AFG2A: variants seen among roughly 807,000 people sequenced by gnomAD.
AFG2A encodes the protein AAA ATPase AFG2A, also known as ATPase family gene 2 protein homolog A.
At chr4:123,189,183 G>T in the AFG2A span, among the ~76,000 whole-genome samples, 8,196 of 152,242 alleles carry the variant, frequency 0.054, 361 homozygotes, top group African/African-American at 0.12. Context: ...GGCCCAAAAT[G>T]TTAGTGTTGC....
chr4:123,185,053 T>C, the AFG2A span, among the ~76,000 whole-genome samples: 6 of 152,176 alleles, frequency 3.9e-5, no homozygotes, highest in Non-Finnish European at 8.8e-5. Context: ...GCCAAGACTA[T>C]CCCTTTATTT....
At chr4:123,207,115 G>T in the AFG2A span, among the ~76,000 whole-genome samples, 6 of 152,224 alleles carry the variant, frequency 3.9e-5, no homozygotes, top group South Asian at 2.1e-4. Context: ...AAAATCATAA[G>T]TAGATGGTTA....
chr4:123,298,494 C>T, the AFG2A span, among the ~76,000 whole-genome samples: 1 of 152,198 alleles, frequency 6.6e-6, no homozygotes, highest in Admixed American at 6.5e-5. Context: ...GGCTTTCCAT[C>T]CCTAGCAGTT....
At chr4:123,011,043 GTCC>G in the AFG2A span, among the ~76,000 whole-genome samples, 3 of 152,058 alleles carry the variant, frequency 2.0e-5, no homozygotes, top group Non-Finnish European at 2.9e-5. Flanking sequence ...TCAGAGGTTT[GTCC>G]TCCTACCTTT....
the AFG2A span, among the ~76,000 whole-genome samples, chr4:123,053,920 C>T: frequency 0.014 from 2,151 of 152,202 alleles, 55 homozygotes; most frequent in African/African-American, 0.05. Flanking sequence ...GGATCAGAGT[C>T]CCAGGCCATG....
At chr4:122,937,964 C>A in the AFG2A span, among the ~76,000 whole-genome samples, 2 of 152,032 alleles carry the variant, frequency 1.3e-5, no homozygotes, top group Non-Finnish European at 2.9e-5. Context: ...GTATTTTGGG[C>A]TAGAATGAAT....
the AFG2A span, among the ~76,000 whole-genome samples, chr4:123,024,051 A>G: frequency 6.6e-6 from 1 of 152,066 alleles, no homozygotes; most frequent in Non-Finnish European, 1.5e-5. Flanking sequence ...TAATGGTGAC[A>G]GTACTCATTT....
the AFG2A span, among the ~76,000 whole-genome samples, chr4:123,061,952 G>T: frequency 2.0e-5 from 3 of 152,304 alleles, no homozygotes; most frequent in South Asian, 2.1e-4. Context: ...ATATGAACCA[G>T]ATGGGAGGTA....
chr4:123,051,540 T>C, the AFG2A span, among the ~76,000 whole-genome samples: 1 of 151,924 alleles, frequency 6.6e-6, no homozygotes, highest in Non-Finnish European at 1.5e-5. Flanking sequence ...ATGATTATCA[T>C]ATTAGTATAA....
the AFG2A span, among the ~76,000 whole-genome samples, chr4:123,016,454 C>T: frequency 0.16 from 23,973 of 150,276 alleles, 2,263 homozygotes; most frequent in East Asian, 0.44. Context: ...GGGTCGCGGC[C>T]GGGTAGAGGT....
At chr4:123,124,201 C>T in the AFG2A span, among the ~76,000 whole-genome samples, 1,673 of 152,134 alleles carry the variant, frequency 0.011, 34 homozygotes, top group South Asian at 0.093. Context: ...ATGTTTATTG[C>T]AGCACTGTTC....
chr4:123,307,599 G>T, the AFG2A span, among the ~76,000 whole-genome samples: 1 of 152,124 alleles, frequency 6.6e-6, no homozygotes, highest in Non-Finnish European at 1.5e-5. Context: ...CGTAATCTTA[G>T]GTTAGTTTCA....
the AFG2A span, chr4:123,256,577 A>T: frequency 2.1e-6 from 1 of 479,834 alleles, no homozygotes. Flanking sequence ...TTCCTCATGG[A>T]GAGCATAGAA....
At chr4:123,035,743 G>A in the AFG2A span, among the ~76,000 whole-genome samples, 7 of 152,100 alleles carry the variant, frequency 4.6e-5, no homozygotes, top group African/African-American at 1.4e-4. Context: ...AAGTCTTGAT[G>A]TGAAAATATT....
chr4:123,001,835 C>G, the AFG2A span, among the ~76,000 whole-genome samples: 2 of 151,496 alleles, frequency 1.3e-5, no homozygotes, highest in East Asian at 3.9e-4. Flanking sequence ...TGGTGCAGAG[C>G]TGAGTTCAAT....
chr4:122,964,947 A>G, the AFG2A span, among the ~76,000 whole-genome samples: 10 of 152,328 alleles, frequency 6.6e-5, no homozygotes, highest in African/African-American at 2.4e-4. Flanking sequence ...TTGAGGGAGA[A>G]TAAAGACTCC....
the AFG2A span, among the ~76,000 whole-genome samples, chr4:123,234,406 C>T: frequency 6.6e-6 from 1 of 152,062 alleles, no homozygotes; most frequent in Non-Finnish European, 1.5e-5. Flanking sequence ...GAGGATTGCA[C>T]TAATTACCAT....
the AFG2A span, among the ~76,000 whole-genome samples, chr4:123,008,309 C>T: frequency 6.6e-6 from 1 of 152,152 alleles, no homozygotes; most frequent in Non-Finnish European, 1.5e-5. Flanking sequence ...TTACTCACTC[C>T]TGGAGAATGG....
the AFG2A span, among the ~76,000 whole-genome samples, chr4:123,271,667 T>C: frequency 6.6e-6 from 1 of 152,204 alleles, no homozygotes; most frequent in Non-Finnish European, 1.5e-5. Flanking sequence ...TTTCCTCTTG[T>C]TCTTCTTTGG....
Sources: gnomAD v4.1 joint callset for allele counts (sites outside exome capture counted in the v4.1 genomes callset) on GRCh38, gnomAD v4.1.1 for gene constraint, MANE v1.5 for transcripts, NCBI Gene and HGNC (gene_info 2026-07-23, HGNC 2026-07-21) for gene names.